The following CCNJL variants were observed in gnomAD, a reference collection of about 807,000 sequenced individuals.
CCNJL encodes the protein cyclin-J-like protein.
A neutral mutation model predicts 33.4 loss-of-function variants in CCNJL; 33 were observed. That is an observed-to-expected ratio of 0.99 (90% confidence interval 0.75 to 1.32). The LOEUF (loss-of-function observed/expected upper bound fraction) is 1.32, where lower values mean the gene tolerates loss of function less well. Among genes scored for constraint, CCNJL ranks in the 40% most tolerant of loss-of-function variants. The pLI is 0.00. For missense variants in CCNJL, 512 were observed against 499.7 expected (o/e 1.02, Z -0.23); for synonymous variants, 227 against 220.9 (o/e 1.03, Z -0.24).
intron 2 of CCNJL, among the ~76,000 whole-genome samples, chr5:160,296,247 T>C (rs1293430726): frequency 6.6e-6 from 1 of 152,230 alleles, no homozygotes; most frequent in African/African-American, 2.4e-5. Flanking sequence ...TAACAGTTGC[T>C]AGCACTCTGC....
rs1760753131 is a variant in CCNJL at position 160,249,629 on chromosome 5, G to A, written c.*3749C>T. 6.6e-6 allele frequency: 1 copy of A among 152,092 alleles called. No homozygotes were observed. Among genetic ancestry groups the A allele is most frequent in the African/African-American group, 2.4e-5 (1 of 41,408 alleles). 9.4% of individuals were successfully genotyped at this position (152,092 alleles called of 1,614,324 possible). A position where few individuals can be genotyped will look rare whatever the true frequency, so the allele number is the denominator to read the frequency against. On this transcript the variant is annotated 3_prime_UTR_variant, in exon 6 of 6. Transcript: ENST00000257536. ...AATACCAAAATTAGCTGGGTATGGT[G>A]ACAGGTGCCTGTAGTCCCAGCTACT...
intron 1 of CCNJL, among the ~76,000 whole-genome samples, chr5:160,332,291 G>A (rs1233582476): frequency 6.6e-6 from 1 of 152,054 alleles, no homozygotes; most frequent in East Asian, 1.9e-4. Flanking sequence ...CAGGCCCCAC[G>A]ACTTCCCTGG....
Position 160,271,807 on chromosome 5 carries a change from A to G in CCNJL, c.280+8718T>C, listed in dbSNP as rs1002421481. 2.6e-4 allele frequency among the ~76,000 whole-genome samples: 39 copies of G among 152,228 alleles called. 1 individual carries two copies. The highest frequency in any genetic ancestry group is 1.3e-4 in the Non-Finnish European group (9 of 68,040). On this transcript the variant is annotated intron_variant, in intron 3 of 5. Coordinates refer to ENST00000257536, the MANE Select transcript of CCNJL (RefSeq NM_001308173.3). Reference sequence around the variant, plus strand: ...ATGTAAGACCTGTTCTGATTCCTGAAATGTTCAAACATTGAAAGGCTCAAG... The same window carrying G: ...ATGTAAGACCTGTTCTGATTCCTGAGATGTTCAAACATTGAAAGGCTCAAG...
intron 1 of CCNJL, among the ~76,000 whole-genome samples, chr5:160,336,157 CAT>C (rs937818732): frequency 6.6e-6 from 1 of 152,242 alleles, no homozygotes; most frequent in Non-Finnish European, 1.5e-5. Context: ...ACTCCAGACT[CAT>C]ACATTCAACT....
chr5:160,319,982 T>G (rs1763420865), intron 1 of CCNJL, among the ~76,000 whole-genome samples: 1 of 152,118 alleles, frequency 6.6e-6, no homozygotes, highest in Non-Finnish European at 1.5e-5. Context: ...ATAGCGGAGC[T>G]AACGGGGACC....
chr5:160,316,216 T>C (rs1763377400), upstream of CCNJL, among the ~76,000 whole-genome samples: 1 of 152,148 alleles, frequency 6.6e-6, no homozygotes, highest in Non-Finnish European at 1.5e-5. Context: ...GAAGTACCAA[T>C]GCAACTGGAA....
At chr5:160,299,299 G>A (rs1164047355) in intron 2 of CCNJL, among the ~76,000 whole-genome samples, 2 of 152,026 alleles carry the variant, frequency 1.3e-5, no homozygotes, top group Non-Finnish European at 2.9e-5. Context: ...ACACGTGCCT[G>A]CCAACAGGCC....
intron 2 of CCNJL, among the ~76,000 whole-genome samples, chr5:160,299,292 C>A (rs570142522): frequency 6.6e-6 from 1 of 152,058 alleles, no homozygotes; most frequent in Non-Finnish European, 1.5e-5. Flanking sequence ...TGGGATTACA[C>A]GTGCCTGCCA....
At chr5:160,285,406 A>G (rs567318782) in intron 2 of CCNJL, among the ~76,000 whole-genome samples, 58 of 152,198 alleles carry the variant, frequency 3.8e-4, no homozygotes, top group African/African-American at 1.3e-3. Context: ...TTAGGTGCCC[A>G]ATAACTAATT....
chr5:160,270,831 A>T (rs955996828), intron 3 of CCNJL, among the ~76,000 whole-genome samples: 1 of 152,216 alleles, frequency 6.6e-6, no homozygotes, highest in African/African-American at 2.4e-5. Flanking sequence ...GGAATCTAGA[A>T]GCCAGAGCTA....
chr5:160,315,387 G>A, upstream of CCNJL: 1 of 429,044 alleles, frequency 2.3e-6, no homozygotes, highest in South Asian at 1.6e-5. Context: ...TACACCTGTA[G>A]TCTTAGCTGC....
chr5:160,335,679 C>T (rs77498938), intron 1 of CCNJL, among the ~76,000 whole-genome samples: 4,117 of 152,076 alleles, frequency 0.027, 176 homozygotes, highest in African/African-American at 0.093. Flanking sequence ...TCAAGAGATC[C>T]TCCTGCCTCA....
chr5:160,337,811 A>G (rs1355028680), intron 1 of CCNJL, among the ~76,000 whole-genome samples: 14 of 152,208 alleles, frequency 9.2e-5, no homozygotes, highest in Admixed American at 8.5e-4. Flanking sequence ...GAAAGAACCA[A>G]TCCTTCAAGA....
chr5:160,320,793 CTTT>C (rs1178382695), intron 1 of CCNJL, among the ~76,000 whole-genome samples: 22 of 32,768 alleles, frequency 6.7e-4, no homozygotes, highest in Admixed American at 6.4e-3. Flanking sequence ...TCTTTCCTTT[CTTT>C]CTTTCTTTCT....
In CCNJL at chr5:160,255,623, G is replaced by C; in HGVS notation, c.669C>G (p.Tyr223Ter). Residue 223 changes from tyrosine (Y) to a stop codon, truncating the protein, a stop_gained, in exon 5 of 6, where the codon TAC becomes TAG. Coordinates refer to ENST00000257536, the MANE Select transcript of CCNJL (RefSeq NM_001308173.3). LOFTEE classifies it high-confidence loss of function. Reference sequence around the variant, plus strand: ...AGATCCTCTGCAGGTCTCTGGTCCAGTAGGGAGAAAGCTGCAGGCAAATCC... The same window carrying C: ...AGATCCTCTGCAGGTCTCTGGTCCACTAGGGAGAAAGCTGCAGGCAAATCC... ...ASRICLQLSP[Y>*]WTRDLQRISS... 2 of 1,614,150 alleles carry C rather than the reference G, an allele frequency of 1.2e-6. No individual in the cohort carries two copies. The highest frequency in any genetic ancestry group is 1.7e-6 in the Non-Finnish European group (2 of 1,179,954).
At chr5:160,290,762 C>A (rs1399729243) in intron 2 of CCNJL, among the ~76,000 whole-genome samples, 1 of 151,952 alleles carries the variant, frequency 6.6e-6, no homozygotes, top group Non-Finnish European at 1.5e-5. Flanking sequence ...AAAAGGAACA[C>A]CTGATAATTA....
rs190982133 is a variant in CCNJL at position 160,284,728 on chromosome 5, G to A, written c.67-3990C>T. On this transcript the variant is annotated intron_variant, in intron 2 of 5. Transcript: ENST00000257536. ...AGTCCTAGAGCTTTGCTCATGGAAG[G>A]CTCTCAAAGCCTGAATAAATTACTT... Among the ~76,000 whole-genome samples, 32 of 152,340 alleles carry A rather than the reference G, an allele frequency of 2.1e-4. 1 individual carries two copies. In the East Asian group the frequency reaches 6.2e-3, roughly 29 times the overall value.
At chr5:160,332,609 T>C (rs1450605073) in intron 1 of CCNJL, among the ~76,000 whole-genome samples, 2 of 152,154 alleles carry the variant, frequency 1.3e-5, no homozygotes, top group Admixed American at 6.6e-5. Flanking sequence ...TCCTCAGACA[T>C]TCTGGGCATG....
intron 2 of CCNJL, among the ~76,000 whole-genome samples, chr5:160,298,828 T>C (rs961996422): frequency 6.6e-6 from 1 of 152,048 alleles, no homozygotes; most frequent in African/African-American, 2.4e-5. Context: ...TATGAGGAGG[T>C]AGCAGGTCAA....
Sources: allele counts gnomAD v4.1 joint callset (sites outside exome capture counted in the v4.1 genomes callset), GRCh38; gene constraint gnomAD v4.1.1; transcripts MANE v1.5; gene names NCBI Gene and HGNC (gene_info 2026-07-23, HGNC 2026-07-21).